CTNND2: variants seen among roughly 807,000 people sequenced by gnomAD.
The protein encoded by CTNND2 is catenin delta 2.
In CTNND2, 22 loss-of-function variants were observed where a neutral mutation model predicts 144.4. The ratio of observed to expected loss-of-function variants is 0.15; its 90% CI spans 0.11 to 0.22. The LOEUF (loss-of-function observed/expected upper bound fraction) is 0.22. CTNND2 is among the 10% of genes least tolerant of loss of function. CTNND2 has a pLI of 1.00. For synonymous variants in CTNND2, 751 were observed against 695.6 expected (o/e 1.08, Z -1.25); for missense variants, 1,353 against 1,618.8 (o/e 0.84, Z 2.82).
At chr5:11,587,149 A>C (rs1436063022) in intron 2 of CTNND2, among the ~76,000 whole-genome samples, 1 of 152,122 alleles carries the variant, frequency 6.6e-6, no homozygotes, top group East Asian at 1.9e-4. Context: ...GCACCCAAAC[A>C]CTATATTCCT....
chr5:11,623,828 A>G (rs1425107940), intron 2 of CTNND2, among the ~76,000 whole-genome samples: 3 of 120,734 alleles, frequency 2.5e-5, no homozygotes, highest in African/African-American at 1.1e-4. Flanking sequence ...ATATATATAT[A>G]TATATATATA....
At chr5:11,352,405 A>G (rs887002077) in intron 8 of CTNND2, among the ~76,000 whole-genome samples, 4 of 152,200 alleles carry the variant, frequency 2.6e-5, no homozygotes, top group African/African-American at 9.6e-5. Context: ...GAAAAAATTT[A>G]AAAATGCAAG....
intron 9 of CTNND2, among the ~76,000 whole-genome samples, chr5:11,286,390 C>T (rs931658309): frequency 6.6e-6 from 1 of 152,152 alleles, no homozygotes; most frequent in South Asian, 2.1e-4. Context: ...TTATTAAAAA[C>T]TCAGAAAAGC....
intron 3 of CTNND2, among the ~76,000 whole-genome samples, chr5:11,486,033 GA>G: frequency 6.6e-6 from 1 of 152,074 alleles, no homozygotes; most frequent in Admixed American, 6.6e-5. Flanking sequence ...AAATAAAGAA[GA>G]AAAAAACACC....
intron 20 of CTNND2, among the ~76,000 whole-genome samples, chr5:10,985,075 AAAATAAATAAATAAATAAAT>A (rs10599114): frequency 2.7e-5 from 4 of 147,948 alleles, no homozygotes; most frequent in African/African-American, 7.5e-5. Flanking sequence ...CTCCGTCTCA[AAAATAAATAAATAAATAAAT>A]AAATAAATAA....
At chr5:11,759,196 GT>G (rs60462457) in intron 1 of CTNND2, among the ~76,000 whole-genome samples, 1 of 151,598 alleles carries the variant, frequency 6.6e-6, no homozygotes, top group Non-Finnish European at 1.5e-5. Flanking sequence ...TTATGTCACT[GT>G]TTTTTTAACA....
intron 9 of CTNND2, among the ~76,000 whole-genome samples, chr5:11,258,291 A>G (rs1331580619): frequency 6.6e-6 from 1 of 152,202 alleles, no homozygotes; most frequent in Non-Finnish European, 1.5e-5. Flanking sequence ...GACCAGGCCC[A>G]AAGCATTTGG....
At chr5:11,403,820 A>G (rs1760836717) in intron 5 of CTNND2, among the ~76,000 whole-genome samples, 1 of 152,240 alleles carries the variant, frequency 6.6e-6, no homozygotes, top group South Asian at 2.1e-4. Context: ...GTGAATGGGA[A>G]CATAGCAGTT....
intron 9 of CTNND2, among the ~76,000 whole-genome samples, chr5:11,254,110 A>G (rs1377294993): frequency 1.3e-5 from 2 of 152,202 alleles, no homozygotes; most frequent in African/African-American, 4.8e-5. Flanking sequence ...GATTTTTAAA[A>G]TTTACATAAT....
At chr5:11,142,878 C>T (rs1242488079) in intron 12 of CTNND2, among the ~76,000 whole-genome samples, 1 of 152,096 alleles carries the variant, frequency 6.6e-6, no homozygotes, top group African/African-American at 2.4e-5. Context: ...TCCCAAAGTG[C>T]TGGGATTACA....
At position 11,700,830 on chromosome 5, in the gene CTNND2, G is replaced by C. The variant is rs78861124; in HGVS notation, c.174+31306C>G. ...ATTGAACAACTGAACTAAAGAGAGA[G>C]AAAAGCCTTTGAAAAGCATGTGATC... On this transcript the variant is annotated intron_variant, in intron 2 of 21. Coordinates refer to ENST00000304623, the MANE Select transcript of CTNND2 (RefSeq NM_001332.4). Among the ~76,000 whole-genome samples the C allele has an allele frequency of 7.7e-3, 1,178 of 152,264 alleles. 14 individuals are homozygous for C. Among genetic ancestry groups the C allele is most frequent in the African/African-American group, 0.027 (1,135 of 41,540 alleles).
intron 1 of CTNND2, among the ~76,000 whole-genome samples, chr5:11,843,418 A>C (rs888502741): frequency 2.0e-5 from 3 of 152,216 alleles, no homozygotes; most frequent in African/African-American, 7.2e-5. Flanking sequence ...AAACTTCCTC[A>C]TGGATACATT....
chr5:11,288,852 A>G lies in CTNND2; in HGVS notation c.1629-52029T>C, dbSNP rs1208962449. Reference sequence around the variant, plus strand: ...GAAAAAAAAGAAAACCAAAAAGGAAAAAAAAAAAGAAAACCAAAAGAGATT... The same window carrying G: ...GAAAAAAAAGAAAACCAAAAAGGAAGAAAAAAAAGAAAACCAAAAGAGATT... On this transcript the variant is annotated intron_variant, in intron 9 of 21. Coordinates refer to ENST00000304623, the MANE Select transcript of CTNND2 (RefSeq NM_001332.4). Among the ~76,000 whole-genome samples the G allele has an allele frequency of 2.6e-5, 4 of 151,966 alleles. No homozygotes were observed. The South Asian group carries it at 8.3e-4, about 31-fold the overall frequency.
intron 2 of CTNND2, among the ~76,000 whole-genome samples, chr5:11,712,651 G>A (rs946967362): frequency 6.6e-6 from 1 of 152,006 alleles, no homozygotes; most frequent in Non-Finnish European, 1.5e-5. Flanking sequence ...TAATTCAATA[G>A]GTATAATTTA....
chr5:11,026,125 G>C (rs1040561883), intron 16 of CTNND2, among the ~76,000 whole-genome samples: 5 of 152,120 alleles, frequency 3.3e-5, no homozygotes, highest in Non-Finnish European at 2.9e-5. Context: ...GTTGTGGGCA[G>C]TTCTTCACAG....
At chr5:11,803,450 A>G (rs1295247426) in intron 1 of CTNND2, among the ~76,000 whole-genome samples, 2 of 152,258 alleles carry the variant, frequency 1.3e-5, no homozygotes, top group Non-Finnish European at 2.9e-5. Flanking sequence ...ACTTGTGCAG[A>G]GCAGGCTACT....
intron 1 of CTNND2, among the ~76,000 whole-genome samples, chr5:11,750,879 T>C (rs925762323): frequency 1.3e-5 from 2 of 151,842 alleles, no homozygotes; most frequent in Non-Finnish European, 2.9e-5. Context: ...TCAATAATAA[T>C]TGATAAATGA....
intron 3 of CTNND2, among the ~76,000 whole-genome samples, chr5:11,418,454 C>T (rs984021519): frequency 6.6e-6 from 1 of 152,068 alleles, no homozygotes; most frequent in Non-Finnish European, 1.5e-5. Flanking sequence ...GAAAAGAGCT[C>T]TTGTTAGAGC....
intron 7 of CTNND2, among the ~76,000 whole-genome samples, chr5:11,365,843 T>C (rs374016252): frequency 6.6e-6 from 1 of 152,112 alleles, no homozygotes; most frequent in Non-Finnish European, 1.5e-5. Flanking sequence ...ATCATTTGCG[T>C]TGGGGCAATG....
Sources: gnomAD v4.1 joint callset for allele counts (sites outside exome capture counted in the v4.1 genomes callset) on GRCh38, gnomAD v4.1.1 for gene constraint, MANE v1.5 for transcripts, NCBI Gene and HGNC (gene_info 2026-07-23, HGNC 2026-07-21) for gene names.